The following GALNT16 variants were observed in gnomAD, a reference collection of about 807,000 sequenced individuals.
GALNT16 encodes the protein polypeptide N-acetylgalactosaminyltransferase 16, also known as UDP-GalNAc:polypeptide N-acetylgalactosaminyltransferase-like protein 1.
A neutral mutation model predicts 76.1 loss-of-function variants in GALNT16; 40 were observed. That is an observed-to-expected ratio of 0.53 (90% CI 0.41 to 0.68). The LOEUF (loss-of-function observed/expected upper bound fraction) is 0.68. GALNT16 is among the 30% of genes least tolerant of loss of function. The pLI is 0.00. For missense variants in GALNT16, 621 were observed against 731.9 expected, an observed-to-expected ratio of 0.85 and a Z score of 1.75; for synonymous variants, 276 against 285.2, an observed-to-expected ratio of 0.97 and a Z score of 0.32.
chr14:69,328,394 G>A (rs576508972), intron 5 of GALNT16, 56 bp from the exon 6 acceptor site: 2 of 1,579,860 alleles, frequency 1.3e-6, no homozygotes, highest in Admixed American at 3.5e-5. Flanking sequence ...TTGGGGGACA[G>A]GTGGGAAGCC....
intron 9 of GALNT16, among the ~76,000 whole-genome samples, chr14:69,335,034 T>C (rs2045399193): frequency 6.6e-6 from 1 of 152,170 alleles, no homozygotes; most frequent in South Asian, 2.1e-4. Flanking sequence ...GTAGAAAGAC[T>C]GAGGTGGATG....
At chr14:69,260,073 G>C, upstream of GALNT16, 1 of 492,884 alleles carries the variant, frequency 2.0e-6, no homozygotes, top group Non-Finnish European at 3.6e-6. Context: ...GGGGACGCGC[G>C]CGCTCGGGGC....
intron 9 of GALNT16, 124 bp from the exon 10 acceptor site, chr14:69,338,527 C>A: frequency 7.3e-7 from 1 of 1,373,432 alleles, no homozygotes; most frequent in Non-Finnish European, 1.0e-6. Context: ...TTTGAGCAGG[C>A]CCAGGAGCCC....
At chr14:69,384,422 G>A in the GALNT16 span, among the ~76,000 whole-genome samples, 1 of 152,160 alleles carries the variant, frequency 6.6e-6, no homozygotes, top group African/African-American at 2.4e-5. Context: ...GGTAGACCCA[G>A]GATTCAAACC....
At position 69,294,957 on chromosome 14, in the gene GALNT16, T is replaced by C. The variant is rs142380313; in HGVS notation, c.178-25754T>C. Reference sequence around the variant, plus strand: ...TGTTCATTTTTATTGATGAATAATATTCCATGGAATGGATATGCCTCATAT... The same window carrying C: ...TGTTCATTTTTATTGATGAATAATACTCCATGGAATGGATATGCCTCATAT... On this transcript the variant is annotated intron_variant, in intron 1 of 14. Transcript: ENST00000448469. 2.3e-3 allele frequency among the ~76,000 whole-genome samples: 347 copies of C among 152,358 alleles called. 6 individuals are homozygous for C. Among genetic ancestry groups the C allele is most frequent in the East Asian group, 7.7e-3 (40 of 5,196 alleles).
chr14:69,293,975 C>G (rs545181299), intron 1 of GALNT16, among the ~76,000 whole-genome samples: 3 of 152,232 alleles, frequency 2.0e-5, no homozygotes, highest in African/African-American at 7.2e-5. Flanking sequence ...ACTGCAACCT[C>G]TGCCTCCCAG....
intron 1 of GALNT16, among the ~76,000 whole-genome samples, chr14:69,309,782 T>C (rs1038898914): frequency 4.6e-5 from 7 of 152,246 alleles, no homozygotes; most frequent in Admixed American, 3.9e-4. Flanking sequence ...ATTTTGACTT[T>C]ATGACATTTT....
At chr14:69,330,215 T>G (rs1238150375) in intron 6 of GALNT16, among the ~76,000 whole-genome samples, 1 of 152,122 alleles carries the variant, frequency 6.6e-6, no homozygotes, top group Non-Finnish European at 1.5e-5. Context: ...TAAAATGTGG[T>G]GTATCCATAC....
the GALNT16 span, among the ~76,000 whole-genome samples, chr14:69,365,514 A>G: frequency 2.0e-5 from 3 of 152,182 alleles, no homozygotes; most frequent in Admixed American, 2.0e-4. Context: ...TCAGCAAACT[A>G]ATGCAGGAAC....
chr14:69,313,503 G>A (rs1356850531), intron 1 of GALNT16, among the ~76,000 whole-genome samples: 1 of 143,606 alleles, frequency 7.0e-6, no homozygotes, highest in Non-Finnish European at 1.6e-5. Context: ...AGATCCCTAG[G>A]GGAATAAGCA....
intron 11 of GALNT16, among the ~76,000 whole-genome samples, chr14:69,340,936 T>C (rs1594864579): frequency 6.6e-6 from 1 of 152,340 alleles, no homozygotes; most frequent in East Asian, 1.9e-4. Flanking sequence ...CAGAAAAGTT[T>C]GAAAACACTA....
At chr14:69,270,838 G>A (rs1257332957) in intron 1 of GALNT16, among the ~76,000 whole-genome samples, 1 of 152,256 alleles carries the variant, frequency 6.6e-6, no homozygotes, top group Non-Finnish European at 1.5e-5. Flanking sequence ...GGGGCTCAGG[G>A]AGAAAGAACA....
chr14:69,331,438 C>T lies in GALNT16; in HGVS notation c.691-26C>T, dbSNP rs1461851071. ...TTTTCTGCAGAGAAGTCCCAGGCCT[C>T]ACACCATCTCACATCTCTCTCCTAG... On this transcript the variant is annotated intron_variant, in intron 6 of 14. Coordinates refer to ENST00000448469, the MANE Select transcript of GALNT16 (RefSeq NM_001168368.2). 2.2e-6 allele frequency: 3 copies of T among 1,333,644 alleles called. No homozygotes were observed. In the African/African-American group the frequency reaches 4.3e-5, roughly 19 times the overall value. The allele number at this position is 1,333,644 out of a possible 1,614,324, so 82.6% of individuals were successfully genotyped here.
At chr14:69,273,353 A>G (rs975158769) in intron 1 of GALNT16, among the ~76,000 whole-genome samples, 3 of 152,290 alleles carry the variant, frequency 2.0e-5, no homozygotes, top group African/African-American at 7.2e-5. Flanking sequence ...AGCCAGAATG[A>G]CAAGTAGGTC....
intron 1 of GALNT16, among the ~76,000 whole-genome samples, chr14:69,292,786 G>A (rs1271960181): frequency 6.6e-6 from 1 of 152,238 alleles, no homozygotes; most frequent in Admixed American, 6.5e-5. Context: ...TGTACACAGT[G>A]GCTAAATTTC....
chr14:69,340,943 A>C (rs75347210), intron 11 of GALNT16, among the ~76,000 whole-genome samples: 6 of 152,356 alleles, frequency 3.9e-5, no homozygotes, highest in African/African-American at 1.4e-4. Flanking sequence ...GTTTGAAAAC[A>C]CTATTAATGA....
downstream of GALNT16, among the ~76,000 whole-genome samples, chr14:69,360,652 G>A (rs1392974371): frequency 6.7e-6 from 1 of 149,870 alleles, no homozygotes. Flanking sequence ...AGAGAGGAGA[G>A]GAGAGAAGAA....
At chr14:69,336,048 C>T (rs539090761) in intron 9 of GALNT16, among the ~76,000 whole-genome samples, 27 of 152,298 alleles carry the variant, frequency 1.8e-4, no homozygotes, top group African/African-American at 6.3e-4. Context: ...CCTGCAGCCC[C>T]GCAGCCACAC....
intron 1 of GALNT16, among the ~76,000 whole-genome samples, chr14:69,286,886 A>C (rs1156825711): frequency 6.6e-6 from 1 of 152,186 alleles, no homozygotes; most frequent in African/African-American, 2.4e-5. Flanking sequence ...TCGATGTTTT[A>C]ATAAAAAAAA....
Sources: allele counts gnomAD v4.1 joint callset (sites outside exome capture counted in the v4.1 genomes callset), GRCh38; gene constraint gnomAD v4.1.1; transcripts MANE v1.5; gene names NCBI Gene and HGNC (gene_info 2026-07-23, HGNC 2026-07-21).